The following PRKCH variants were observed in gnomAD, a reference collection of about 807,000 sequenced individuals.
PRKCH encodes protein kinase C eta.
In PRKCH, 28 loss-of-function variants were observed where a neutral mutation model predicts 82.5. The observed-to-expected ratio is 0.34, with a 90% CI of 0.25 to 0.47. PRKCH has a LOEUF of 0.47. Among genes scored for constraint, PRKCH ranks in the 20% least tolerant of loss-of-function variants. PRKCH has a pLI of 1.00. For missense variants in PRKCH, 705 were observed against 881.8 expected, an observed-to-expected ratio of 0.80 and a Z score of 2.54; for synonymous variants, 322 against 327.4, an observed-to-expected ratio of 0.98 and a Z score of 0.18.
rs540867300 is a variant in PRKCH, at chr14:61,436,819, G to A, written c.428-6292G>A. Among the ~76,000 whole-genome samples the A allele has an allele frequency of 2.0e-5, 3 of 152,330 alleles. No homozygotes were observed. In the South Asian group the frequency reaches 6.2e-4, roughly 32 times the overall value. On this transcript the variant is annotated intron_variant, in intron 2 of 13. Coordinates refer to ENST00000332981, the MANE Select transcript of PRKCH (RefSeq NM_006255.5). ...AGTGCTGGGATTACAGGCATGAGCC[G>A]CCACACCCGGCCTTGCTGCCATTTT...
intron 1 of PRKCH, among the ~76,000 whole-genome samples, chr14:61,240,713 C>A (rs929611074): frequency 1.3e-5 from 2 of 151,636 alleles, no homozygotes; most frequent in African/African-American, 2.4e-5. Flanking sequence ...TAATAGGTGG[C>A]CATATGGTCA....
At chr14:61,471,345 T>G (rs1421358593) in intron 9 of PRKCH, among the ~76,000 whole-genome samples, 2 of 152,208 alleles carry the variant, frequency 1.3e-5, no homozygotes, top group African/African-American at 4.8e-5. Flanking sequence ...CATTCAGTGG[T>G]AAGACTGGTT....
At chr14:61,444,749 T>C (rs1884140838) in intron 3 of PRKCH, among the ~76,000 whole-genome samples, 1 of 152,250 alleles carries the variant, frequency 6.6e-6, no homozygotes, top group African/African-American at 2.4e-5. Flanking sequence ...AGCCTGTCAA[T>C]GTCTCTTCAT....
intron 1 of PRKCH, chr14:61,304,889 T>G (rs532951078): frequency 6.6e-6 from 1 of 152,244 alleles, no homozygotes; most frequent in East Asian, 1.9e-4. Context: ...CCATTTCTTT[T>G]GGCCTCCACT....
At chr14:61,407,273 A>C (rs1159954048) in intron 2 of PRKCH, among the ~76,000 whole-genome samples, 1 of 152,218 alleles carries the variant, frequency 6.6e-6, no homozygotes, top group Non-Finnish European at 1.5e-5. Context: ...TGTAAAATGA[A>C]TAATGCATTT....
intron 1 of PRKCH, among the ~76,000 whole-genome samples, chr14:61,336,533 A>G (rs558220565): frequency 6.6e-6 from 1 of 152,374 alleles, no homozygotes; most frequent in Admixed American, 6.5e-5. Context: ...GGTCTGAGTT[A>G]GTGAGAACCA....
intron 1 of PRKCH, among the ~76,000 whole-genome samples, chr14:61,367,924 C>T (rs557164661): frequency 1.1e-3 from 171 of 151,872 alleles, no homozygotes; most frequent in Non-Finnish European, 1.6e-3. Context: ...CCTTGCTAAC[C>T]AGGATGGTCT....
intron 2 of PRKCH, among the ~76,000 whole-genome samples, chr14:61,414,667 G>C (rs1882461302): frequency 6.7e-6 from 1 of 148,500 alleles, no homozygotes; most frequent in South Asian, 2.1e-4. Flanking sequence ...ATTTAGTAGA[G>C]ACGGGGTTTC....
At chr14:61,231,774 C>T (rs753454572) in intron 1 of PRKCH, among the ~76,000 whole-genome samples, 8 of 152,076 alleles carry the variant, frequency 5.3e-5, no homozygotes, top group Non-Finnish European at 1.2e-4. Context: ...CTCTCCCCTC[C>T]TCCTGCAAAA....
intron 1 of PRKCH, among the ~76,000 whole-genome samples, chr14:61,385,218 T>G (rs777716382): frequency 1.3e-4 from 19 of 151,376 alleles, no homozygotes; most frequent in Admixed American, 6.6e-5. Flanking sequence ...CTCTGTTCTA[T>G]TAGACACTCT....
chr14:61,529,338 C>A, intron 11 of PRKCH, 125 bp downstream of exon 11: 1 of 1,112,430 alleles, frequency 9.0e-7, no homozygotes, highest in Non-Finnish European at 1.2e-6. Flanking sequence ...CTAGAGCCGA[C>A]ACCTCTAGAC....
At chr14:61,228,770 G>A (rs1370773027) in intron 1 of PRKCH, among the ~76,000 whole-genome samples, 9 of 151,998 alleles carry the variant, frequency 5.9e-5, no homozygotes, top group Non-Finnish European at 8.8e-5. Context: ...GTCAGGTACC[G>A]TGGCTCATGC....
Position 61,411,347 on chromosome 14 carries a change from T to A in PRKCH, c.427+20059T>A, listed in dbSNP as rs116843281. Among the ~76,000 whole-genome samples, 411 of 152,336 alleles carry A rather than the reference T, an allele frequency of 2.7e-3. 2 individuals carry two copies. The highest frequency in any genetic ancestry group is 4.4e-3 in the Non-Finnish European group (297 of 68,026). ...GGCACTTAACACTTGAGGACCCCTGTTCCAGTCAGCCACAGATGTATTTAT... is the reference window on the plus strand; with the variant it reads ...GGCACTTAACACTTGAGGACCCCTGATCCAGTCAGCCACAGATGTATTTAT... On this transcript the variant is annotated intron_variant, in intron 2 of 13. Transcript: ENST00000332981.
chr14:61,335,128 AAAGAATCGT>A (rs1324898333), intron 1 of PRKCH, among the ~76,000 whole-genome samples: 1 of 152,162 alleles, frequency 6.6e-6, no homozygotes. Context: ...GGCCTTCTGA[AAAGAATCGT>A]ACTGGCTGAG....
chr14:61,445,638 A>T, intron 3 of PRKCH, 54 bp from the exon 4 acceptor site: 1 of 1,503,114 alleles, frequency 6.7e-7, no homozygotes, highest in Non-Finnish European at 9.3e-7. Flanking sequence ...TAAGGACTAT[A>T]AGAGGGTTAT....
intron 1 of PRKCH, among the ~76,000 whole-genome samples, chr14:61,276,905 C>T (rs1011026330): frequency 2.0e-5 from 3 of 151,894 alleles, no homozygotes; most frequent in African/African-American, 2.4e-5. Flanking sequence ...TTACATAGGC[C>T]GGGTTTGGTG....
At chr14:61,265,412 C>A (rs972200930) in intron 1 of PRKCH, among the ~76,000 whole-genome samples, 5 of 152,116 alleles carry the variant, frequency 3.3e-5, no homozygotes, top group African/African-American at 4.8e-5. Context: ...GCCTGGGATG[C>A]GGAAGCTGCA....
At chr14:61,271,989 G>T (rs2045157551) in intron 1 of PRKCH, among the ~76,000 whole-genome samples, 1 of 152,208 alleles carries the variant, frequency 6.6e-6, no homozygotes, top group South Asian at 2.1e-4. Flanking sequence ...ACTTTGGGAG[G>T]CCGAGGCGGG....
chr14:61,252,308 C>T (rs2044954250), intron 1 of PRKCH, among the ~76,000 whole-genome samples: 2 of 152,178 alleles, frequency 1.3e-5, no homozygotes, highest in Non-Finnish European at 2.9e-5. Context: ...AGGCCTTGCT[C>T]TGTGGGGAGG....
Sources: allele counts gnomAD v4.1 joint callset (sites outside exome capture counted in the v4.1 genomes callset), GRCh38; gene constraint gnomAD v4.1.1; transcripts MANE v1.5; gene names NCBI Gene and HGNC (gene_info 2026-07-23, HGNC 2026-07-21).